Variants in NLRP1 observed in about 807,000 individuals in gnomAD.
The protein encoded by NLRP1 is NACHT, LRR and PYD domains-containing protein 1.
A neutral mutation model predicts 136.7 loss-of-function variants in NLRP1; 94 were observed. The observed-to-expected ratio is 0.69, with a 90% CI of 0.58 to 0.82. The LOEUF (loss-of-function observed/expected upper bound fraction) is 0.82. Ranked by LOEUF, NLRP1 falls within the 40% of genes least tolerant of loss-of-function variation. NLRP1 has a pLI of 0.00. For missense variants in NLRP1, 1,575 were observed against 1,802.7 expected, an observed-to-expected ratio of 0.87 and a Z score of 2.29; for synonymous variants, 690 against 725.1, an observed-to-expected ratio of 0.95 and a Z score of 0.78.
chr17:5,564,994 C>T (rs1915179644), intron 3 of NLRP1, among the ~76,000 whole-genome samples: 1 of 152,140 alleles, frequency 6.6e-6, no homozygotes, highest in Admixed American at 6.5e-5. Flanking sequence ...ACCTCGGCCT[C>T]CCAAAGTGCT....
chr17:5,529,617 C>T (rs760289124), intron 12 of NLRP1, among the ~76,000 whole-genome samples: 2 of 152,176 alleles, frequency 1.3e-5, no homozygotes, highest in Non-Finnish European at 1.5e-5. Context: ...CCGCCCTCCT[C>T]GGCCTCCCAA....
chr17:5,547,662 T>C (rs1215294566), intron 5 of NLRP1, among the ~76,000 whole-genome samples: 1 of 152,154 alleles, frequency 6.6e-6, no homozygotes, highest in Non-Finnish European at 1.5e-5. Context: ...GGTGTGAAGT[T>C]TGAGGTAGAA....
intron 11 of NLRP1, 40 bp from the exon 12 acceptor site, chr17:5,530,744 C>G: frequency 6.6e-7 from 1 of 1,520,126 alleles, no homozygotes; most frequent in South Asian, 1.1e-5. Context: ...ACTGCACGAA[C>G]TCACTGAGCA....
At position 5,517,889 on chromosome 17, in the gene NLRP1, T is replaced by C; in HGVS notation, c.3916-2A>G. The C allele has an allele frequency of 6.2e-7, 1 of 1,614,008 alleles. No homozygotes were observed. Among genetic ancestry groups the C allele is most frequent in the Non-Finnish European group, 8.5e-7 (1 of 1,179,998 alleles). On this transcript the variant is annotated splice_acceptor_variant, in intron 14 of 16. Coordinates refer to ENST00000572272, the MANE Select transcript of NLRP1 (RefSeq NM_033004.4). LOFTEE classifies it high-confidence loss of function. ...GCTTCGATAGCAGAGCTCCAGTTCCTGAAGAGGCAAAGAGTTGAGTTGCCA... is the reference window on the plus strand; with the variant it reads ...GCTTCGATAGCAGAGCTCCAGTTCCCGAAGAGGCAAAGAGTTGAGTTGCCA...
intron 9 of NLRP1, among the ~76,000 whole-genome samples, chr17:5,533,600 T>A (rs996665659): frequency 7.0e-6 from 1 of 143,676 alleles, no homozygotes; most frequent in East Asian, 2.0e-4. Context: ...AAGATGGAGA[T>A]GTGATTCCCA....
intron 12 of NLRP1, among the ~76,000 whole-genome samples, chr17:5,528,193 G>C (rs2151751126): frequency 6.6e-6 from 1 of 152,328 alleles, no homozygotes; most frequent in Middle Eastern, 3.4e-3. Context: ...CTCTCTTCTT[G>C]ATAGAGTACC....
At position 5,521,509 on chromosome 17, in the gene NLRP1, G is replaced by C; in HGVS notation, c.3783+15C>G. ...CAACCCACCGTGGCCCAGCCTTTCTGGCTCTTAGTGTCACCTTCCGAATGG... is the reference window on the plus strand; with the variant it reads ...CAACCCACCGTGGCCCAGCCTTTCTCGCTCTTAGTGTCACCTTCCGAATGG... On this transcript the variant is annotated intron_variant, in intron 13 of 16. Coordinates refer to ENST00000572272, the MANE Select transcript of NLRP1 (RefSeq NM_033004.4). 6.2e-7 allele frequency: 1 copy of C among 1,608,272 alleles called. No individual in the cohort carries two copies. Among genetic ancestry groups the C allele is most frequent in the South Asian group, 1.1e-5 (1 of 90,872 alleles).
At chr17:5,539,221 A>G (rs1349638367) in intron 7 of NLRP1, among the ~76,000 whole-genome samples, 194 bp downstream of exon 7, 1 of 152,216 alleles carries the variant, frequency 6.6e-6, no homozygotes. Context: ...TGAAGTGGGT[A>G]TGATACTCCC....
chr17:5,503,417 A>G (rs975560460), intron 15 of NLRP1: 2 of 152,278 alleles, frequency 1.3e-5, no homozygotes, highest in African/African-American at 4.8e-5. Context: ...AGGTGTTAAA[A>G]ATGCTTTAGT....
intron 3 of NLRP1, among the ~76,000 whole-genome samples, chr17:5,578,115 T>G (rs1157832831): frequency 1.3e-5 from 2 of 152,200 alleles, no homozygotes; most frequent in Non-Finnish European, 1.5e-5. Flanking sequence ...TAATTCAAGA[T>G]GGATTAAAGA....
intron 3 of NLRP1, among the ~76,000 whole-genome samples, chr17:5,566,757 G>T (rs1447084671): frequency 1.3e-5 from 2 of 151,994 alleles, no homozygotes; most frequent in Admixed American, 6.6e-5. Flanking sequence ...CTAAAAGTGG[G>T]GTGTTAAAGT....
rs1434572204 is a variant in NLRP1, at chr17:5,537,743, A to T, written c.2871-803T>A. 6.6e-6 allele frequency among the ~76,000 whole-genome samples: 1 copy of T among 152,198 alleles called. No individual in the cohort carries two copies. The highest frequency in any genetic ancestry group is 6.5e-5 in the Admixed American group (1 of 15,282). On this transcript the variant is annotated intron_variant, in intron 7 of 16. Coordinates refer to ENST00000572272, the MANE Select transcript of NLRP1 (RefSeq NM_033004.4). The surrounding 1 kb of genome is among the most constrained non-coding windows in gnomAD (Gnocchi z 4.5). ...AACTAAGTCCCGGCTCCAGGAGGGA[A>T]GGAGGTGGAAACCTACTCGGGACTC...
chr17:5,512,203 G>A, downstream of NLRP1: 1 of 1,256,100 alleles, frequency 8.0e-7, no homozygotes, highest in Non-Finnish European at 1.2e-6. Flanking sequence ...ATGTTCCACA[G>A]AGCCATGAAG....
chr17:5,543,014 A>G (rs4372738), intron 5 of NLRP1, among the ~76,000 whole-genome samples: 128,266 of 152,034 alleles, frequency 0.84, 54,392 homozygotes, highest in African/African-American at 0.93. Context: ...ATTTTTAGTA[A>G]AGACGGGGTT....
At chr17:5,578,821 T>C (rs866579162) in intron 3 of NLRP1, among the ~76,000 whole-genome samples, 1 of 152,248 alleles carries the variant, frequency 6.6e-6, no homozygotes. Flanking sequence ...CGTATGTTTA[T>C]TGTGGCACTA....
In NLRP1 at chr17:5,541,722, C is replaced by A; in HGVS notation, c.2699+135G>T. On this transcript the variant is annotated intron_variant, in intron 6 of 16. Transcript: ENST00000572272. The surrounding 1 kb of genome is among the most constrained non-coding windows in gnomAD (Gnocchi z 4.2). The stretch of plus-strand genomic sequence containing the variant: ...GGATGAGCTTCCTCCTGAGCCTCTA[C>A]TGCCTGGCTGAGATCCTGTAGGCTC... 1.2e-6 allele frequency: 1 copy of A among 852,282 alleles called. No homozygotes were observed. The highest frequency in any genetic ancestry group is 2.5e-5 in the Admixed American group (1 of 40,676). 52.8% of individuals were successfully genotyped at this position (852,282 alleles called of 1,614,324 possible).
In NLRP1 at chr17:5,559,256, C is replaced by A. The variant is rs759669109; in HGVS notation, c.1440G>T (p.Gly480=). The part of the protein sequence containing the change: ...LEQARWVEVL[G]FSESSRKEYF... ...ATTCCTTCCTGCTGGACTCAGAGAA[C>A]CCCAGGACCTCTACCCAACGTGCCT... The change falls in exon 4 of 17, where the codon GGG becomes GGT. Residue 480 remains glycine (G), a synonymous_variant. Coordinates refer to ENST00000572272, the MANE Select transcript of NLRP1 (RefSeq NM_033004.4). 2 of 1,614,146 alleles carry A rather than the reference C, an allele frequency of 1.2e-6. No homozygotes were observed. The highest frequency in any genetic ancestry group is 2.7e-5 in the African/African-American group (2 of 75,032).
At chr17:5,525,018 G>A (rs1909356065) in intron 12 of NLRP1, among the ~76,000 whole-genome samples, 1 of 152,194 alleles carries the variant, frequency 6.6e-6, no homozygotes, top group South Asian at 2.1e-4. Context: ...AGATTGGAGA[G>A]AGAAGGGAAG....
At chr17:5,532,782 C>CGG in intron 11 of NLRP1, 40 bp downstream of exon 11, 1 of 1,538,070 alleles carries the variant, frequency 6.5e-7, no homozygotes, top group Non-Finnish European at 8.7e-7. Context: ...CAGTGGGGTG[C>CGG]GGGAGGCCAG....
Sources: allele counts gnomAD v4.1 joint callset (sites outside exome capture counted in the v4.1 genomes callset), GRCh38; gene constraint gnomAD v4.1.1; non-coding constraint Gnocchi (gnomAD v3.1); transcripts MANE v1.5; gene names NCBI Gene and HGNC (gene_info 2026-07-23, HGNC 2026-07-21).